Variants in RAD54B observed in about 807,000 individuals in gnomAD.
RAD54B encodes the protein DNA repair and recombination protein RAD54B.
A neutral mutation model predicts 95.8 loss-of-function variants in RAD54B; 78 were observed. That is an observed-to-expected ratio of 0.81 (90% confidence interval 0.68 to 0.98). RAD54B has a LOEUF of 0.98. Ranked by LOEUF, RAD54B falls within the 50% of genes least tolerant of loss-of-function variation. The probability of loss-of-function intolerance (pLI) is 0.00; values close to 1 mark genes in which losing one functional copy is unlikely to be tolerated. For synonymous variants in RAD54B, 328 were observed against 354.9 expected (o/e 0.92, Z 0.85); for missense variants, 957 against 1,056.6 (o/e 0.91, Z 1.31).
chr8:94,463,041 C>T (rs1055831601), intron 2 of RAD54B, among the ~76,000 whole-genome samples: 9 of 151,618 alleles, frequency 5.9e-5, no homozygotes, highest in East Asian at 1.9e-4. Flanking sequence ...CTAGGCGTGG[C>T]GGCAGGCACC....
chr8:94,431,811 A>C, intron 3 of RAD54B: 1 of 1,012,984 alleles, frequency 9.9e-7, no homozygotes, highest in African/African-American at 1.7e-5. Flanking sequence ...AAAATGTTGA[A>C]GACTCAGAAC....
At chr8:94,443,614 A>G (rs1812452282) in intron 3 of RAD54B, among the ~76,000 whole-genome samples, 1 of 152,024 alleles carries the variant, frequency 6.6e-6, no homozygotes, top group African/African-American at 2.4e-5. Context: ...TGTTTACCTT[A>G]CCTTATGTAA....
chr8:94,422,617 AATATATAT>A (rs1166692675), intron 3 of RAD54B, among the ~76,000 whole-genome samples: 645 of 43,538 alleles, frequency 0.015, 19 homozygotes, highest in African/African-American at 0.048. Context: ...AAAAAAAAAA[AATATATAT>A]ATATATATAT....
At chr8:94,459,836 G>C (rs1041988960) in intron 2 of RAD54B, among the ~76,000 whole-genome samples, 1 of 149,214 alleles carries the variant, frequency 6.7e-6, no homozygotes, top group African/African-American at 2.5e-5. Context: ...CTCCAGCCTG[G>C]GCGACAGAAC....
At chr8:94,433,423 C>T (rs940524148) in intron 3 of RAD54B, among the ~76,000 whole-genome samples, 1 of 151,820 alleles carries the variant, frequency 6.6e-6, no homozygotes. Flanking sequence ...AGTAGGTGCT[C>T]ATTATGTGTT....
intron 8 of RAD54B, among the ~76,000 whole-genome samples, chr8:94,399,052 G>A (rs1336937113): frequency 6.6e-6 from 1 of 151,882 alleles, no homozygotes; most frequent in Non-Finnish European, 1.5e-5. Context: ...AAAGTTAGAT[G>A]GTATTATCAT....
chr8:94,458,017 A>G (rs1331797004), intron 3 of RAD54B, among the ~76,000 whole-genome samples: 1 of 152,220 alleles, frequency 6.6e-6, no homozygotes, highest in African/African-American at 2.4e-5. Flanking sequence ...TCTTGAGGAA[A>G]AGATCACATT....
intron 11 of RAD54B, among the ~76,000 whole-genome samples, chr8:94,386,681 A>G (rs1285719706): frequency 2.6e-5 from 4 of 152,136 alleles, no homozygotes; most frequent in African/African-American, 9.7e-5. Context: ...GAAAATCCTA[A>G]GGTGTATCAG....
chr8:94,392,735 C>G (rs1310994827), intron 9 of RAD54B, among the ~76,000 whole-genome samples: 4 of 148,522 alleles, frequency 2.7e-5, no homozygotes, highest in Non-Finnish European at 5.9e-5. Flanking sequence ...GTAGCTGGGA[C>G]CACAGGTACA....
intron 1 of RAD54B, among the ~76,000 whole-genome samples, chr8:94,471,179 C>T (rs1813161948): frequency 6.6e-6 from 1 of 150,712 alleles, no homozygotes; most frequent in South Asian, 2.1e-4. Flanking sequence ...GGCATGAAAT[C>T]TTACGTACAA....
At chr8:94,441,147 C>T (rs1245708746) in intron 3 of RAD54B, among the ~76,000 whole-genome samples, 1 of 152,226 alleles carries the variant, frequency 6.6e-6, no homozygotes, top group Non-Finnish European at 1.5e-5. Flanking sequence ...AATCACGACC[C>T]TTTCATGTGA....
intron 3 of RAD54B, chr8:94,429,848 A>C: frequency 1.0e-6 from 1 of 985,368 alleles, no homozygotes; most frequent in Non-Finnish European, 1.2e-6. Context: ...TAGTACCTTG[A>C]GTTCATTTTT....
At chr8:94,378,490 C>G in intron 13 of RAD54B, 78 bp downstream of exon 13, 1 of 1,441,450 alleles carries the variant, frequency 6.9e-7, no homozygotes, top group Non-Finnish European at 9.5e-7. Flanking sequence ...ATATTCCTGA[C>G]ACTGAAGCAC....
At chr8:94,381,513 T>C (rs1320656768) in intron 11 of RAD54B, among the ~76,000 whole-genome samples, 2 of 151,630 alleles carry the variant, frequency 1.3e-5, no homozygotes, top group Non-Finnish European at 2.9e-5. Flanking sequence ...AACAAAGCAA[T>C]GAAAAAAAAC....
Position 94,391,832 on chromosome 8 carries a change from C to T in RAD54B, c.1586G>A (p.Arg529Lys). 6.2e-7 allele frequency: 1 copy of T among 1,613,946 alleles called. No homozygotes were observed. Among genetic ancestry groups the T allele is most frequent in the South Asian group, 1.1e-5 (1 of 91,014 alleles). The change falls in exon 10 of 15, where the codon AGA becomes AAA. Residue 529 changes from arginine to lysine, a missense_variant. By Grantham distance (26) the Arg-to-Lys change is conservative. Transcript: ENST00000336148. ...LTCLTGLFIL[R>K]RTQEIINKYL... ...TTTATTTATAATTTCTTGGGTTCTTCTAAGGATAAAGAGTCCAGTGAGGCA... is the reference window on the plus strand; with the variant it reads ...TTTATTTATAATTTCTTGGGTTCTTTTAAGGATAAAGAGTCCAGTGAGGCA...
chr8:94,416,856 A>G (rs959203869), intron 3 of RAD54B, among the ~76,000 whole-genome samples: 2 of 152,164 alleles, frequency 1.3e-5, no homozygotes, highest in African/African-American at 4.8e-5. Context: ...AGAGTTACCA[A>G]ATGACACAGC....
chr8:94,412,392 T>C (rs1381945737), intron 3 of RAD54B, among the ~76,000 whole-genome samples: 1 of 151,694 alleles, frequency 6.6e-6, no homozygotes, highest in Admixed American at 6.6e-5. Flanking sequence ...TTTGGCTATA[T>C]ACCCAGAAGT....
chr8:94,432,805 T>G, intron 3 of RAD54B: 1 of 1,044,588 alleles, frequency 9.6e-7, no homozygotes, highest in Non-Finnish European at 1.3e-6. Flanking sequence ...ACACTTGAAA[T>G]ACATTAAAGT....
intron 3 of RAD54B, chr8:94,436,753 A>G: frequency 6.4e-7 from 1 of 1,550,582 alleles, no homozygotes; most frequent in Non-Finnish European, 8.7e-7. Context: ...CTTTTCTACT[A>G]TTACTGAATG....
Sources: allele counts gnomAD v4.1 joint callset (sites outside exome capture counted in the v4.1 genomes callset), GRCh38; gene constraint gnomAD v4.1.1; transcripts MANE v1.5; gene names NCBI Gene and HGNC (gene_info 2026-07-23, HGNC 2026-07-21).